Variants in XRN1 observed in about 807,000 individuals in gnomAD.
XRN1 encodes the protein 5'-3' exoribonuclease 1.
Under a neutral mutation model 222.3 loss-of-function variants are expected in XRN1, and 67 were observed. The observed-to-expected ratio is 0.30, with a 90% CI of 0.25 to 0.37. The LOEUF (loss-of-function observed/expected upper bound fraction) is 0.37, where lower values mean the gene tolerates loss of function less well. XRN1 is among the 10% of genes least tolerant of loss of function. XRN1 has a pLI of 1.00. For synonymous variants in XRN1, 643 were observed against 652.4 expected (o/e 0.99, Z 0.22); for missense variants, 1,707 against 2,000.2 (o/e 0.85, Z 2.80).
At chr3:142,429,038 G>A (rs1386196177) in intron 2 of XRN1, among the ~76,000 whole-genome samples, 1 of 151,978 alleles carries the variant, frequency 6.6e-6, no homozygotes, top group African/African-American at 2.4e-5. Flanking sequence ...GTTACATGAT[G>A]GTCAAGGAAA....
At chr3:142,379,884 T>A (rs1175109619) in intron 23 of XRN1, among the ~76,000 whole-genome samples, 198 bp downstream of exon 23, 1 of 152,088 alleles carries the variant, frequency 6.6e-6, no homozygotes, top group East Asian at 1.9e-4. Context: ...TTTCAGTGAT[T>A]TCCCCCCACA....
chr3:142,441,734 T>A (rs867816971), intron 1 of XRN1, among the ~76,000 whole-genome samples: 12 of 152,214 alleles, frequency 7.9e-5, no homozygotes, highest in Non-Finnish European at 1.6e-4. Context: ...AGGGCCAGTG[T>A]TGCGACTGTG....
chr3:142,393,436 T>G (rs2107988118), intron 20 of XRN1, among the ~76,000 whole-genome samples: 1 of 146,590 alleles, frequency 6.8e-6, no homozygotes, highest in African/African-American at 2.5e-5. Flanking sequence ...CTAGGTTTTC[T>G]TCTAGGGTTT....
At chr3:142,400,346 T>C (rs1399885587) in intron 19 of XRN1, 98 bp downstream of exon 19, 13 of 973,420 alleles carry the variant, frequency 1.3e-5, no homozygotes, top group East Asian at 5.3e-5. Flanking sequence ...TAAATGTTCT[T>C]AATATAATTT....
rs552694117 is a variant in XRN1, at chr3:142,409,274, C to T, written c.1713+3270G>A. Among the ~76,000 whole-genome samples, 3 of 152,256 alleles carry T rather than the reference C, an allele frequency of 2.0e-5. No homozygotes were observed. The East Asian group carries it at 5.8e-4, about 29-fold the overall frequency. ...ATCTTGAAATTTTCTCCTAAGTTTG[C>T]TTCAAGAAGTTTTATGGTTTTAGCT... is the stretch of plus-strand genomic sequence containing the variant. On this transcript the variant is annotated intron_variant, in intron 15 of 40. Coordinates refer to ENST00000392981, the MANE Select transcript of XRN1 (RefSeq NM_001282857.2).
intron 1 of XRN1, chr3:142,436,114 T>C (rs2069898387): frequency 6.7e-6 from 1 of 150,326 alleles, no homozygotes; most frequent in Non-Finnish European, 1.5e-5. Context: ...GGAAAGCAAT[T>C]CAGAAATGAA....
intron 19 of XRN1, 98 bp from the exon 20 acceptor site, chr3:142,397,558 G>A: frequency 1.6e-5 from 16 of 992,992 alleles, no homozygotes; most frequent in Middle Eastern, 3.4e-4. Context: ...TTTTTCACAT[G>A]GTATACTAGC....
chr3:142,313,395 C>T (rs564502671), intron 39 of XRN1, among the ~76,000 whole-genome samples: 79 of 152,092 alleles, frequency 5.2e-4, no homozygotes, highest in Non-Finnish European at 8.5e-4. Context: ...GGGCCTCAGA[C>T]CTAGTAAGCC....
intron 18 of XRN1, among the ~76,000 whole-genome samples, chr3:142,401,786 C>G (rs991593029): frequency 6.6e-6 from 1 of 152,182 alleles, no homozygotes; most frequent in Admixed American, 6.5e-5. Flanking sequence ...TCTACACAAT[C>G]TTAGCCTAGT....
chr3:142,440,735 T>C (rs901758053), intron 1 of XRN1, among the ~76,000 whole-genome samples: 2 of 152,166 alleles, frequency 1.3e-5, no homozygotes, highest in Non-Finnish European at 2.9e-5. Context: ...ACCCTTATAC[T>C]CTGCTTTCCC....
intron 33 of XRN1, 132 bp from the exon 34 acceptor site, chr3:142,335,641 G>A: frequency 5.2e-6 from 4 of 762,010 alleles, no homozygotes; most frequent in Non-Finnish European, 6.4e-6. Flanking sequence ...CTGAACTTAA[G>A]GAATTTATAA....
chr3:142,438,293 G>A (rs1039593512), intron 1 of XRN1, among the ~76,000 whole-genome samples: 2 of 151,226 alleles, frequency 1.3e-5, no homozygotes, highest in Admixed American at 6.6e-5. Context: ...CCCTGGAAAG[G>A]AACTCACCCC....
chr3:142,419,772 C>T (rs1395110335), intron 10 of XRN1, among the ~76,000 whole-genome samples: 1 of 151,212 alleles, frequency 6.6e-6, no homozygotes, highest in African/African-American at 2.4e-5. Context: ...CGCGCCACTG[C>T]ACTCCAGCCT....
rs1346188891 is a variant in XRN1, at chr3:142,376,468, C to A, written c.2831+11G>T. The A allele has an allele frequency of 1.3e-6, 2 of 1,585,332 alleles. No homozygotes were observed. The highest frequency in any genetic ancestry group is 1.7e-6 in the Non-Finnish European group (2 of 1,156,480). On this transcript the variant is annotated intron_variant, in intron 24 of 40. Transcript: ENST00000392981. Reference sequence around the variant, plus strand: ...TGCCACTTTAAGTAAATTTCTCTAACATAAACTTACTTTCTCCTAGATCCT... The same window carrying A: ...TGCCACTTTAAGTAAATTTCTCTAAAATAAACTTACTTTCTCCTAGATCCT...
intron 30 of XRN1, among the ~76,000 whole-genome samples, chr3:142,357,946 G>A (rs1040734684): frequency 6.6e-6 from 1 of 152,154 alleles, no homozygotes; most frequent in African/African-American, 2.4e-5. Context: ...GCTGAGGCAG[G>A]AGAATTGCTT....
At chr3:142,427,841 T>C (rs755782305) in intron 2 of XRN1, among the ~76,000 whole-genome samples, 11 of 152,236 alleles carry the variant, frequency 7.2e-5, no homozygotes, top group Non-Finnish European at 1.2e-4. Context: ...AAGCTCTGCT[T>C]TGAGTATAGT....
At chr3:142,328,307 G>A (rs1033756699) in intron 37 of XRN1, among the ~76,000 whole-genome samples, 3 of 152,058 alleles carry the variant, frequency 2.0e-5, no homozygotes, top group Non-Finnish European at 2.9e-5. Context: ...TACTTTTGCC[G>A]TATCCTACAG....
chr3:142,372,216 C>T (rs183585668), intron 25 of XRN1, among the ~76,000 whole-genome samples: 51 of 152,202 alleles, frequency 3.4e-4, no homozygotes, highest in African/African-American at 9.9e-4. Context: ...ATACCAGTCA[C>T]GGACTTAGGG....
Position 142,447,781 on chromosome 3 carries a change from G to T in XRN1, c.75+89C>A. On this transcript the variant is annotated intron_variant, in intron 1 of 40. Transcript: ENST00000392981. The surrounding 1 kb of genome is among the most constrained non-coding windows in gnomAD (Gnocchi z 4.2). ...ATCGTCCAGACGACGAGGGGAAAGA[G>T]GTGGCTCGAAAGCCCCAGCTCTAAG... is the stretch of plus-strand genomic sequence containing the variant. The T allele has an allele frequency of 7.0e-7, 1 of 1,436,742 alleles. No individual in the cohort carries two copies. The highest frequency in any genetic ancestry group is 9.6e-7 in the Non-Finnish European group (1 of 1,039,042). The allele number at this position is 1,436,742 out of a possible 1,614,324, so 89.0% of individuals were successfully genotyped here.
Sources: gnomAD v4.1 joint callset for allele counts (sites outside exome capture counted in the v4.1 genomes callset) on GRCh38, gnomAD v4.1.1 for gene constraint, Gnocchi (gnomAD v3.1) non-coding constraint, MANE v1.5 for transcripts, NCBI Gene and HGNC (gene_info 2026-07-23, HGNC 2026-07-21) for gene names.